The following DDX60L variants were observed in gnomAD, a reference collection of about 807,000 sequenced individuals.
DDX60L encodes the protein probable ATP-dependent RNA helicase DDX60-like.
Under a neutral mutation model 211.6 loss-of-function variants are expected in DDX60L, and 191 were observed. The ratio of observed to expected loss-of-function variants is 0.90; its 90% CI spans 0.80 to 1.02. The LOEUF is 1.02. Among genes scored for constraint, DDX60L ranks in the 50% least tolerant of loss-of-function variants. The probability of loss-of-function intolerance (pLI) is 0.00; values close to 1 mark genes in which losing one functional copy is unlikely to be tolerated. For synonymous variants in DDX60L, 706 were observed against 694.1 expected, an observed-to-expected ratio of 1.02 and a Z score of -0.27; for missense variants, 2,007 against 1,984.1, an observed-to-expected ratio of 1.01 and a Z score of -0.22.
intron 4 of DDX60L, among the ~76,000 whole-genome samples, chr4:168,471,090 T>C (rs1463667026): frequency 1.3e-5 from 2 of 152,192 alleles, no homozygotes; most frequent in African/African-American, 4.8e-5. Context: ...GTAACACATT[T>C]AAGATCTGTG....
At chr4:168,473,062 A>G (rs1221381157) in intron 1 of DDX60L, among the ~76,000 whole-genome samples, 1 of 152,210 alleles carries the variant, frequency 6.6e-6, no homozygotes, top group Non-Finnish European at 1.5e-5. Flanking sequence ...GCCCCCCAAA[A>G]AAAGCAATAA....
chr4:168,472,863 C>T, intron 1 of DDX60L, 54 bp from the exon 2 acceptor site: 1 of 695,980 alleles, frequency 1.4e-6, no homozygotes, highest in Non-Finnish European at 2.4e-6. Context: ...AAGAAATGGA[C>T]CCAAAAAATA....
At chr4:168,405,404 G>A (rs1747567875) in intron 24 of DDX60L, among the ~76,000 whole-genome samples, 1 of 152,134 alleles carries the variant, frequency 6.6e-6, no homozygotes, top group Non-Finnish European at 1.5e-5. Flanking sequence ...ATGCATCAAT[G>A]TTATGCTCAA....
intron 1 of DDX60L, among the ~76,000 whole-genome samples, chr4:168,473,438 T>C (rs1759069159): frequency 6.6e-6 from 1 of 152,140 alleles, no homozygotes; most frequent in South Asian, 2.1e-4. Context: ...TGTGGTGCTA[T>C]TTAGAGCTGG....
In DDX60L at chr4:168,379,445, A is replaced by C; in HGVS notation, c.4281T>G (p.His1427Gln). The C allele has an allele frequency of 6.2e-7, 1 of 1,601,130 alleles. No individual in the cohort carries two copies. The highest frequency in any genetic ancestry group is 8.5e-7 in the Non-Finnish European group (1 of 1,176,076). ...KKFAGLASYL[H>Q]GHEPSNLVFV... ...AAACAAGATTTGAAGGTTCATGACC[A>C]TGCAAATATGATGCAAGTCCTGCAA... is the stretch of plus-strand genomic sequence containing the variant. Residue 1427 changes from histidine (H) to glutamine (Q), a missense_variant, in exon 32 of 38, where the codon CAT becomes CAG. Coordinates refer to ENST00000682922, the MANE Select transcript of DDX60L (RefSeq NM_001012967.3).
rs147726463 is a variant in DDX60L at position 168,379,667 on chromosome 4, T to C, written c.4221+59A>G. ...TATAGAAATTTCAGTTGGTTTAGCA[T>C]AGAAAGAAGTTTACACGGTACTAGT... On this transcript the variant is annotated intron_variant, in intron 31 of 37. Transcript: ENST00000682922. 38 of 1,392,940 alleles carry C rather than the reference T, an allele frequency of 2.7e-5. No individual in the cohort carries two copies. In the African/African-American group the frequency reaches 4.0e-4, roughly 15 times the overall value. The allele number at this position is 1,392,940 out of a possible 1,614,324, so 86.3% of individuals were successfully genotyped here.
chr4:168,467,590 G>T (rs769349489), intron 4 of DDX60L, among the ~76,000 whole-genome samples: 9 of 152,048 alleles, frequency 5.9e-5, no homozygotes, highest in Admixed American at 1.3e-4. Context: ...CAAATCCCTT[G>T]ACATATACAA....
chr4:168,373,955 A>G (rs1741482719), intron 34 of DDX60L, 147 bp from the exon 35 acceptor site: 2 of 739,432 alleles, frequency 2.7e-6, no homozygotes, highest in Admixed American at 3.0e-5. Flanking sequence ...AAAGTCATTA[A>G]CACAGCTTGG....
Position 168,358,249 on chromosome 4 carries a change from A to C in DDX60L, c.5019T>G (p.Asn1673Lys), listed in dbSNP as rs200274079. ...ATGCCAGGACTACATTGTCACGCTT[A>C]TTTTCACATAGTTCACTCAAGGAGT... ...ISDSLSELCE[N>K]KRDNVVLAFK... The change falls in exon 38 of 38, where the codon AAT becomes AAG. Residue 1673 changes from asparagine to lysine, a missense_variant. Transcript: ENST00000682922. The C allele has an allele frequency of 1.3e-6, 2 of 1,596,144 alleles. No individual in the cohort carries two copies. Among genetic ancestry groups the C allele is most frequent in the Admixed American group, 3.6e-5 (2 of 56,078 alleles).
chr4:168,362,092 C>T (rs889084042), intron 36 of DDX60L, among the ~76,000 whole-genome samples: 5 of 152,246 alleles, frequency 3.3e-5, no homozygotes, highest in Admixed American at 6.5e-5. Context: ...ACTCGTGCTG[C>T]GCAGCCAGAA....
intron 28 of DDX60L, among the ~76,000 whole-genome samples, chr4:168,393,440 G>T (rs1451373434): frequency 6.6e-6 from 1 of 152,070 alleles, no homozygotes; most frequent in Non-Finnish European, 1.5e-5. Flanking sequence ...AGGTTGCAGT[G>T]AGCCGAGATT....
Position 168,419,358 on chromosome 4 carries a change from G to A in DDX60L, c.2554C>T (p.Leu852Phe). The change falls in exon 19 of 38, where the codon CTT becomes TTT. Residue 852 changes from leucine to phenylalanine, a missense_variant. By Grantham distance (22) the Leu-to-Phe change is conservative. Transcript: ENST00000682922. ...ACCCATTTTTGGCGATGAGGAGCAA[G>A]CAACAGGATTTCAAAACATTCCGGC... ...TVPECFEILLLAPHRQKWVER... is the reference protein window; with the variant it reads ...TVPECFEILLFAPHRQKWVER... 2 of 1,598,100 alleles carry A rather than the reference G, an allele frequency of 1.3e-6. No homozygotes were observed. Among genetic ancestry groups the A allele is most frequent in the South Asian group, 1.1e-5 (1 of 88,196 alleles).
rs899462336 is a variant in DDX60L at position 168,430,409 on chromosome 4, A to G, written c.1677+69T>C. 15 of 1,375,778 alleles carry G rather than the reference A, an allele frequency of 1.1e-5. No homozygotes were observed. The African/African-American group carries it at 2.1e-4, about 19-fold the overall frequency. 85.2% of individuals were successfully genotyped at this position (1,375,778 alleles called of 1,614,324 possible). ...AAGAGAATGGAAGACACCTCCAGAG[A>G]CAAATATGAGCCTAAAGAAAACAAA... On this transcript the variant is annotated intron_variant, in intron 13 of 37. Coordinates refer to ENST00000682922, the MANE Select transcript of DDX60L (RefSeq NM_001012967.3).
intron 14 of DDX60L, among the ~76,000 whole-genome samples, chr4:168,424,533 A>G (rs1751165067): frequency 6.6e-6 from 1 of 152,222 alleles, no homozygotes; most frequent in Non-Finnish European, 1.5e-5. Flanking sequence ...CAGAGTTCTT[A>G]CATCAAGGAA....
intron 24 of DDX60L, 27 bp downstream of exon 24, chr4:168,405,923 C>A: frequency 6.5e-7 from 1 of 1,531,536 alleles, no homozygotes; most frequent in Non-Finnish European, 8.8e-7. Flanking sequence ...TTAAGTGAAA[C>A]TTTGTCCAAG....
intron 4 of DDX60L, among the ~76,000 whole-genome samples, chr4:168,467,585 C>A (rs1758175514): frequency 1.3e-5 from 2 of 152,052 alleles, no homozygotes; most frequent in Admixed American, 6.6e-5. Flanking sequence ...GCGGGCAAAT[C>A]CCTTGACATA....
chr4:168,410,307 C>T (rs774302934), intron 22 of DDX60L, among the ~76,000 whole-genome samples: 23 of 152,008 alleles, frequency 1.5e-4, no homozygotes, highest in Admixed American at 3.3e-4. Flanking sequence ...ACATGGAAGA[C>T]GAATAGAATC....
At position 168,384,726 on chromosome 4, in the gene DDX60L, G is replaced by A. The variant is rs201314991; in HGVS notation, c.4002C>T (p.Leu1334=). 17 of 1,613,818 alleles carry A rather than the reference G, an allele frequency of 1.1e-5. No individual in the cohort carries two copies. The highest frequency in any genetic ancestry group is 2.2e-5 in the East Asian group (1 of 44,854). ...FDIPLPKIKR[L]LASSVPELRG... is the part of the protein sequence containing the mutation. ...TCAGCTCAGGAACACTGGATGCAAG[G>A]AGTCTTTTTATTTTGGGCAATGGGA... is the stretch of plus-strand genomic sequence containing the variant. The change falls in exon 30 of 38, where the codon CTC becomes CTT. Residue 1334 remains leucine, a synonymous_variant. Transcript: ENST00000682922.
At chr4:168,464,417 T>A (rs1010786493) in intron 4 of DDX60L, among the ~76,000 whole-genome samples, 1 of 150,532 alleles carries the variant, frequency 6.6e-6, no homozygotes, top group African/African-American at 2.4e-5. Flanking sequence ...ATTTTTAAAA[T>A]CATCCTTAAG....
Sources: gnomAD v4.1 joint callset for allele counts (sites outside exome capture counted in the v4.1 genomes callset) on GRCh38, gnomAD v4.1.1 for gene constraint, MANE v1.5 for transcripts, NCBI Gene and HGNC (gene_info 2026-07-23, HGNC 2026-07-21) for gene names.